The following TMEFF2 variants were observed in gnomAD, a reference collection of about 807,000 sequenced individuals.
TMEFF2 encodes the protein transmembrane protein with EGF like and two follistatin like domains 2, also known as tomoregulin-2.
A neutral mutation model predicts 53.8 loss-of-function variants in TMEFF2; 28 were observed. The observed-to-expected ratio is 0.52, with a 90% confidence interval of 0.39 to 0.71. TMEFF2 has a LOEUF of 0.71. TMEFF2 is among the 30% of genes least tolerant of loss of function. The pLI, the probability that TMEFF2 is intolerant of heterozygous loss-of-function variation, is 0.00. For synonymous variants in TMEFF2, 162 were observed against 166.3 expected, an observed-to-expected ratio of 0.97 and a Z score of 0.20; for missense variants, 353 against 455.2, an observed-to-expected ratio of 0.78 and a Z score of 2.04.
At chr2:192,122,017 T>C (rs1444367405) in intron 4 of TMEFF2, among the ~76,000 whole-genome samples, 1 of 152,202 alleles carries the variant, frequency 6.6e-6, no homozygotes, top group East Asian at 1.9e-4. Flanking sequence ...TAATTTATTG[T>C]ACATTTTAAA....
At chr2:192,019,707 A>G (rs1404142260) in intron 5 of TMEFF2, among the ~76,000 whole-genome samples, 1 of 151,268 alleles carries the variant, frequency 6.6e-6, no homozygotes, top group East Asian at 1.9e-4. Flanking sequence ...AAGTTTGCAC[A>G]TTTTTCTTTA....
At chr2:192,128,934 C>T (rs1223645451) in intron 4 of TMEFF2, among the ~76,000 whole-genome samples, 1 of 152,172 alleles carries the variant, frequency 6.6e-6, no homozygotes, top group African/African-American at 2.4e-5. Context: ...GTGTGTGGCA[C>T]ATGTGGTGCC....
At chr2:191,961,655 T>C (rs543126744) in intron 7 of TMEFF2, among the ~76,000 whole-genome samples, 1 of 152,328 alleles carries the variant, frequency 6.6e-6, no homozygotes, top group East Asian at 1.9e-4. Context: ...AAGTCATGAT[T>C]GTTCCCATTG....
chr2:192,194,762 G>A lies in TMEFF2; in HGVS notation c.-238C>T. The A allele has an allele frequency of 1.8e-6, 1 of 550,596 alleles. No homozygotes were observed. Among genetic ancestry groups the A allele is most frequent in the Non-Finnish European group, 3.3e-6 (1 of 307,250 alleles). The allele number at this position is 550,596 out of a possible 1,614,324, so 34.1% of individuals were successfully genotyped here. On this transcript the variant is annotated 5_prime_UTR_variant, in exon 1 of 10. Transcript: ENST00000272771. This position sits in a 1 kb window ranked among gnomAD's most constrained non-coding sequence, Gnocchi z 4.2. ...GGGTCGTCCGCTGAGAAGCTGCGCC[G>A]GAGACGCGGGAAGCTGCTGCCATAA...
At chr2:192,100,685 G>A (rs185238980) in intron 4 of TMEFF2, among the ~76,000 whole-genome samples, 2 of 152,240 alleles carry the variant, frequency 1.3e-5, no homozygotes, top group Admixed American at 1.3e-4. Context: ...CTCAAATGAA[G>A]GGGATAACAA....
chr2:191,988,650 A>G (rs1276495876), intron 7 of TMEFF2, among the ~76,000 whole-genome samples: 1 of 142,924 alleles, frequency 7.0e-6, no homozygotes, highest in African/African-American at 2.5e-5. Flanking sequence ...ATACTTAAAA[A>G]CTATTTTTTT....
chr2:192,066,092 GAAC>G (rs1362166343), intron 4 of TMEFF2, among the ~76,000 whole-genome samples: 5 of 151,570 alleles, frequency 3.3e-5, no homozygotes, highest in African/African-American at 1.2e-4. Flanking sequence ...AGAAAAATAA[GAAC>G]AAGAAAACAC....
At chr2:192,116,105 GGATA>G (rs1280301874) in intron 4 of TMEFF2, among the ~76,000 whole-genome samples, 11 of 151,928 alleles carry the variant, frequency 7.2e-5, no homozygotes, top group Non-Finnish European at 1.6e-4. Flanking sequence ...ACAGGTGAAT[GGATA>G]AAGAAATTGT....
At chr2:192,106,018 G>T (rs936345417) in intron 4 of TMEFF2, among the ~76,000 whole-genome samples, 1 of 151,792 alleles carries the variant, frequency 6.6e-6, no homozygotes, top group Non-Finnish European at 1.5e-5. Flanking sequence ...GTCTTGGGAA[G>T]AACACTTGCA....
At chr2:192,150,767 C>T (rs1690365661) in intron 4 of TMEFF2, among the ~76,000 whole-genome samples, 1 of 151,290 alleles carries the variant, frequency 6.6e-6, no homozygotes, top group Admixed American at 6.6e-5. Flanking sequence ...GAATTTCCAC[C>T]CTAGTACATT....
At position 191,950,339 on chromosome 2, in the gene TMEFF2, G is replaced by A; in HGVS notation, c.1097C>T (p.Thr366Ile). The A allele has an allele frequency of 1.2e-6, 2 of 1,613,756 alleles. No individual in the cohort carries two copies. The highest frequency in any genetic ancestry group is 1.7e-6 in the Non-Finnish European group (2 of 1,179,858). The change falls in exon 10 of 10, where the codon ACA (threonine) becomes ATA (isoleucine). Residue 366 changes from threonine (T) to isoleucine (I), a missense_variant. Around this residue, in one of 3 missense-constraint regions of TMEFF2, gnomAD observed 294 missense variants for 397.3 expected, o/e 0.74. Transcript: ENST00000272771. ...GATTAACCTCGTGGACGCTCTTGTT[G>A]TATTGTCTGAACTGTAGTGCCCTGT... ...QNTGHYSSDN[T>I]TRASTRLI is the part of the protein sequence containing the mutation.
rs555747984 is a variant in TMEFF2, at chr2:192,090,734, C to T, written c.440-32959G>A. 3.3e-5 allele frequency among the ~76,000 whole-genome samples: 5 copies of T among 152,218 alleles called. No individual in the cohort carries two copies. The South Asian group carries it at 1.0e-3, about 32-fold the overall frequency. On this transcript the variant is annotated intron_variant, in intron 4 of 9. Coordinates refer to ENST00000272771, the MANE Select transcript of TMEFF2 (RefSeq NM_016192.4). ...TATTCAAATTTAGTACAGCGTTAATCAATTTGGAAAATACCTGTCTTCATG... is the reference window on the plus strand; with the variant it reads ...TATTCAAATTTAGTACAGCGTTAATTAATTTGGAAAATACCTGTCTTCATG...
At chr2:191,980,380 T>C (rs966712132) in intron 7 of TMEFF2, among the ~76,000 whole-genome samples, 1 of 152,082 alleles carries the variant, frequency 6.6e-6, no homozygotes, top group African/African-American at 2.4e-5. Flanking sequence ...CCAGGGCATA[T>C]TGTGTTAGGC....
intron 7 of TMEFF2, among the ~76,000 whole-genome samples, chr2:191,986,416 A>G (rs1364087056): frequency 1.3e-5 from 2 of 152,196 alleles, no homozygotes; most frequent in African/African-American, 2.4e-5. Context: ...TATGTCTGTG[A>G]GACTTTCCTC....
intron 5 of TMEFF2, among the ~76,000 whole-genome samples, chr2:192,006,358 A>G (rs995546979): frequency 3.3e-5 from 5 of 152,096 alleles, no homozygotes; most frequent in Admixed American, 6.6e-5. Flanking sequence ...GAGCTGCGAA[A>G]CTCTTGCCCT....
At chr2:192,137,753 T>G (rs1559142702) in intron 4 of TMEFF2, among the ~76,000 whole-genome samples, 2 of 148,792 alleles carry the variant, frequency 1.3e-5, no homozygotes, top group South Asian at 4.2e-4. Context: ...ATATATCTAC[T>G]TATATATATA....
intron 4 of TMEFF2, among the ~76,000 whole-genome samples, chr2:192,166,999 T>C (rs1690784396): frequency 6.6e-6 from 1 of 152,238 alleles, no homozygotes; most frequent in Admixed American, 6.5e-5. Flanking sequence ...ACCTTATATA[T>C]GGCTCTTGAA....
chr2:191,983,016 A>G (rs1385808036), intron 7 of TMEFF2, among the ~76,000 whole-genome samples: 1 of 152,136 alleles, frequency 6.6e-6, no homozygotes, highest in Non-Finnish European at 1.5e-5. Flanking sequence ...GGGGACACCG[A>G]GTGTAGCAAT....
intron 4 of TMEFF2, among the ~76,000 whole-genome samples, chr2:192,170,829 C>T (rs1690890924): frequency 6.6e-6 from 1 of 152,042 alleles, no homozygotes; most frequent in Non-Finnish European, 1.5e-5. Flanking sequence ...TGGTTTGACT[C>T]ATTGAGCCAG....
Sources: allele counts gnomAD v4.1 joint callset (sites outside exome capture counted in the v4.1 genomes callset), GRCh38; gene constraint gnomAD v4.1.1; regional missense constraint gnomAD v4.1.1; non-coding constraint Gnocchi (gnomAD v3.1); transcripts MANE v1.5; gene names NCBI Gene and HGNC (gene_info 2026-07-23, HGNC 2026-07-21).